The following NTRK2 variants were observed in gnomAD, a reference collection of about 807,000 sequenced individuals.
NTRK2 encodes the protein BDNF/NT-3 growth factors receptor.
Under a neutral mutation model 94.5 loss-of-function variants are expected in NTRK2, and 13 were observed. That is an observed-to-expected ratio of 0.14 (90% confidence interval 0.09 to 0.22). The LOEUF (loss-of-function observed/expected upper bound fraction) is 0.22. Ranked by LOEUF, NTRK2 falls within the 10% of genes least tolerant of loss-of-function variation. The pLI is 1.00. For synonymous variants in NTRK2, 372 were observed against 407.4 expected (o/e 0.91, Z 1.05); for missense variants, 639 against 1,071.2 (o/e 0.60, Z 5.63).
Position 84,727,796 on chromosome 9 carries a change from T to G in NTRK2, c.996T>G (p.Thr332=), listed in dbSNP as rs1330623905. 6.2e-7 allele frequency: 1 copy of G among 1,614,080 alleles called. No individual in the cohort carries two copies. Among genetic ancestry groups the G allele is most frequent in the Non-Finnish European group, 8.5e-7 (1 of 1,180,062 alleles). The part of the protein sequence containing the change: ...AILNESKYIC[T]KIHVTNHTEY... The stretch of plus-strand genomic sequence containing the variant: ...TGAATGAGTCCAAATACATCTGTAC[T>G]AAAATACATGTTACCAATCACACGG... Residue 332 remains threonine (T), a synonymous_variant, in exon 9 of 19, where the codon ACT becomes ACG. Transcript: ENST00000277120.
At chr9:84,720,468 C>G (rs2061988000) in intron 6 of NTRK2, among the ~76,000 whole-genome samples, 1 of 152,178 alleles carries the variant, frequency 6.6e-6, no homozygotes, top group African/African-American at 2.4e-5. Context: ...TTGACCACCC[C>G]CTTCCTCAAA....
At chr9:84,781,660 G>A (rs562599674) in intron 12 of NTRK2, among the ~76,000 whole-genome samples, 85 of 152,242 alleles carry the variant, frequency 5.6e-4, no homozygotes, top group Non-Finnish European at 1.0e-3. Context: ...CACTGATTTG[G>A]GGGGCCCACA....
At chr9:84,757,373 T>C (rs2065175125) in intron 12 of NTRK2, among the ~76,000 whole-genome samples, 1 of 152,210 alleles carries the variant, frequency 6.6e-6, no homozygotes, top group South Asian at 2.1e-4. Context: ...TGGCTTCATT[T>C]TTGATTCCAT....
chr9:84,746,021 T>C (rs1226249613), intron 11 of NTRK2, among the ~76,000 whole-genome samples: 2 of 152,086 alleles, frequency 1.3e-5, no homozygotes, highest in Non-Finnish European at 2.9e-5. Context: ...TGCCTCCTTA[T>C]AAATTCCAAA....
chr9:84,671,280 CACTA>C (rs1490180555), intron 2 of NTRK2, among the ~76,000 whole-genome samples: 1 of 152,206 alleles, frequency 6.6e-6, no homozygotes. Flanking sequence ...TTTCAGTATG[CACTA>C]ACTTAGTTTT....
At chr9:84,871,675 T>G in intron 14 of NTRK2, 1 of 859,074 alleles carries the variant, frequency 1.2e-6, no homozygotes, top group Non-Finnish European at 2.0e-6. Flanking sequence ...TGGAGTGATA[T>G]GAGGGTTTCA....
At chr9:85,008,457 C>T (rs538056644) in intron 17 of NTRK2, among the ~76,000 whole-genome samples, 3 of 152,196 alleles carry the variant, frequency 2.0e-5, no homozygotes, top group East Asian at 1.9e-4. Context: ...TGTATAAACA[C>T]GAATGTGTTG....
chr9:84,906,155 A>T (rs371799253), intron 14 of NTRK2, among the ~76,000 whole-genome samples: 2 of 152,204 alleles, frequency 1.3e-5, no homozygotes, highest in Non-Finnish European at 2.9e-5. Context: ...GAGAAAATGT[A>T]TAGCTGTAGT....
chr9:84,980,978 G>T (rs894968608), intron 17 of NTRK2, among the ~76,000 whole-genome samples: 2 of 152,172 alleles, frequency 1.3e-5, no homozygotes, highest in African/African-American at 4.8e-5. Context: ...CTGTCTGAAG[G>T]GGCTGGAATA....
At chr9:84,876,848 CTT>C in intron 14 of NTRK2, 1 of 1,062,510 alleles carries the variant, frequency 9.4e-7, no homozygotes, top group South Asian at 4.6e-5. Flanking sequence ...TTTAGTCTGT[CTT>C]TTTCCCTTTT....
intron 17 of NTRK2, among the ~76,000 whole-genome samples, chr9:85,020,003 A>G (rs1267038528): frequency 6.6e-6 from 1 of 152,100 alleles, no homozygotes; most frequent in Non-Finnish European, 1.5e-5. Context: ...TGCAGATAAT[A>G]TTTTTTTAAA....
intron 4 of NTRK2, among the ~76,000 whole-genome samples, chr9:84,705,645 A>C (rs2061003128): frequency 6.6e-6 from 1 of 152,070 alleles, no homozygotes; most frequent in Admixed American, 6.6e-5. Flanking sequence ...TTGAGGAGGA[A>C]AGCAGGTTTT....
chr9:84,911,081 A>C lies in NTRK2; in HGVS notation c.1634-23081A>C, dbSNP rs190265610. Among the ~76,000 whole-genome samples, 184 of 152,190 alleles carry C rather than the reference A, an allele frequency of 1.2e-3. 1 individual carries two copies. Among genetic ancestry groups the C allele is most frequent in the African/African-American group, 4.1e-3 (170 of 41,534 alleles). On this transcript the variant is annotated intron_variant, in intron 14 of 18. Transcript: ENST00000277120. ...CTTTGATTTCTTTAATCAGTATTGT[A>C]GTTTTGAGTATGCAAATCCTACACA... is the stretch of plus-strand genomic sequence containing the variant.
chr9:84,719,343 G>A (rs2061911276), intron 6 of NTRK2, among the ~76,000 whole-genome samples: 1 of 151,908 alleles, frequency 6.6e-6, no homozygotes, highest in Non-Finnish European at 1.5e-5. Context: ...AGAATATCTG[G>A]TTCAGTGAAT....
chr9:84,986,687 A>T (rs1339951820), intron 17 of NTRK2, among the ~76,000 whole-genome samples: 1 of 146,548 alleles, frequency 6.8e-6, no homozygotes, highest in African/African-American at 2.6e-5. Context: ...TTGTTGACAG[A>T]CTTGTTTCCT....
chr9:84,991,190 A>C (rs2133317790), intron 17 of NTRK2, among the ~76,000 whole-genome samples: 1 of 152,364 alleles, frequency 6.6e-6, no homozygotes, highest in East Asian at 1.9e-4. Flanking sequence ...CTAGCAGAGC[A>C]AAAACAGTAA....
rs958492686 is a variant in NTRK2 at position 84,745,059 on chromosome 9, C to T, written c.1282C>T (p.Arg428Trp). The change falls in exon 11 of 19, where the codon CGG (arginine) becomes TGG (tryptophan). Residue 428 changes from arginine to tryptophan, a missense_variant. Arg to Trp is a moderately radical substitution (Grantham distance 101, BLOSUM62 -3). Coordinates refer to ENST00000277120, the MANE Select transcript of NTRK2 (RefSeq NM_006180.6). The stretch of plus-strand genomic sequence containing the variant: ...CACAGACGTCACTGATAAAACCGGT[C>T]GGGAACATCTCTCGGTGAGTGGAAT... ...PSTDVTDKTG[R>W]EHLSVYAVVV... 14 of 1,612,952 alleles carry T rather than the reference C, an allele frequency of 8.7e-6. No individual in the cohort carries two copies. The highest frequency in any genetic ancestry group is 5.0e-5 in the Admixed American group (3 of 59,970).
chr9:84,724,459 A>T, intron 8 of NTRK2, 103 bp downstream of exon 8: 1 of 1,329,274 alleles, frequency 7.5e-7, no homozygotes, highest in Non-Finnish European at 1.1e-6. Flanking sequence ...TGTTAAAAAA[A>T]GTATATGCAG....
intron 17 of NTRK2, among the ~76,000 whole-genome samples, chr9:84,996,018 C>A (rs989246959): frequency 6.6e-6 from 1 of 152,176 alleles, no homozygotes; most frequent in African/African-American, 2.4e-5. Context: ...GGCTACAAGT[C>A]TTAAGTGTGA....
Sources: allele counts gnomAD v4.1 joint callset (sites outside exome capture counted in the v4.1 genomes callset), GRCh38; gene constraint gnomAD v4.1.1; transcripts MANE v1.5; gene names NCBI Gene and HGNC (gene_info 2026-07-23, HGNC 2026-07-21).